The following CDH9 variants were observed in gnomAD, a reference collection of about 807,000 sequenced individuals.
CDH9 encodes the protein cadherin 9.
CDH9 carries 28 observed loss-of-function variants against 70.9 expected under a neutral mutation model. The observed-to-expected ratio is 0.40, with a 90% confidence interval of 0.29 to 0.54. The LOEUF (loss-of-function observed/expected upper bound fraction) is 0.54, where lower values mean the gene tolerates loss of function less well. Among genes scored for constraint, CDH9 ranks in the 20% least tolerant of loss-of-function variants. CDH9 has a pLI of 0.59. For missense variants in CDH9, 874 were observed against 984.4 expected (o/e 0.89, Z 1.50); for synonymous variants, 409 against 343.1 (o/e 1.19, Z -2.12).
At chr5:27,033,136 T>C (rs937542813) in intron 1 of CDH9, among the ~76,000 whole-genome samples, 2 of 151,310 alleles carry the variant, frequency 1.3e-5, no homozygotes, top group African/African-American at 4.8e-5. Flanking sequence ...TCAACCATTG[T>C]AGATGGACTA....
At chr5:27,028,609 AT>A (rs1261972028) in intron 1 of CDH9, among the ~76,000 whole-genome samples, 1 of 151,992 alleles carries the variant, frequency 6.6e-6, no homozygotes, top group Non-Finnish European at 1.5e-5. Context: ...GACGAGAGTG[AT>A]TTTCACTAGA....
intron 2 of CDH9, among the ~76,000 whole-genome samples, chr5:26,924,706 G>A (rs78942103): frequency 6.6e-6 from 1 of 151,646 alleles, no homozygotes; most frequent in African/African-American, 2.4e-5. Flanking sequence ...TACCCCAGCC[G>A]CCCATCCTAA....
chr5:26,908,343 T>TC (rs1345778442), intron 3 of CDH9, among the ~76,000 whole-genome samples: 1 of 151,858 alleles, frequency 6.6e-6, no homozygotes, highest in African/African-American at 2.4e-5. Flanking sequence ...AACAAGTGTT[T>TC]TTTTTTAATT....
chr5:26,935,282 C>T (rs1254623302), intron 2 of CDH9, among the ~76,000 whole-genome samples: 1 of 152,108 alleles, frequency 6.6e-6, no homozygotes, highest in Non-Finnish European at 1.5e-5. Flanking sequence ...AGCCAATATA[C>T]TTAATGGTGA....
chr5:26,931,498 T>C lies in CDH9; in HGVS notation c.229-15574A>G, dbSNP rs1741461312. On this transcript the variant is annotated intron_variant, in intron 2 of 11. Transcript: ENST00000231021. Reference sequence around the variant, plus strand: ...AGAATGGTCTAGTCTCAAATAAACATTGTGAACATTAAGATAAGATTTGAC... The same window carrying C: ...AGAATGGTCTAGTCTCAAATAAACACTGTGAACATTAAGATAAGATTTGAC... Among the ~76,000 whole-genome samples the C allele has an allele frequency of 2.0e-5, 3 of 152,120 alleles. No individual in the cohort carries two copies. In the South Asian group the frequency reaches 6.2e-4, roughly 31 times the overall value.
chr5:26,915,277 A>G (rs1047848716), intron 3 of CDH9, among the ~76,000 whole-genome samples: 1 of 152,070 alleles, frequency 6.6e-6, no homozygotes, highest in Non-Finnish European at 1.5e-5. Context: ...TATTCAAAAT[A>G]ATGCAAGCAA....
intron 1 of CDH9, among the ~76,000 whole-genome samples, chr5:27,026,258 G>A (rs896209189): frequency 6.6e-6 from 1 of 152,032 alleles, no homozygotes; most frequent in South Asian, 2.1e-4. Flanking sequence ...TAATTGCTGA[G>A]ATAAGCATAA....
At chr5:26,899,280 G>C (rs1740809820) in intron 7 of CDH9, among the ~76,000 whole-genome samples, 1 of 152,118 alleles carries the variant, frequency 6.6e-6, no homozygotes, top group Non-Finnish European at 1.5e-5. Flanking sequence ...CAAGGATCTA[G>C]AACCAGAAAT....
Position 27,020,804 on chromosome 5 carries a change from T to TA in CDH9, c.-50+17658dup, listed in dbSNP as rs1743126478. Reference sequence around the variant, plus strand: ...ACATTTTAAGGTTATTCTTGGTTATTAAATGCTTTAAGTGTAGCTAGTACA... The same window carrying TA: ...ACATTTTAAGGTTATTCTTGGTTATTAAAATGCTTTAAGTGTAGCTAGTACA... On this transcript the variant is annotated intron_variant, in intron 1 of 11. Transcript: ENST00000231021. 2.0e-5 allele frequency among the ~76,000 whole-genome samples: 3 copies of TA among 151,560 alleles called. No individual in the cohort carries two copies. In the South Asian group the frequency reaches 6.2e-4, roughly 31 times the overall value.
intron 3 of CDH9, among the ~76,000 whole-genome samples, chr5:26,908,134 G>A (rs1254013823): frequency 6.6e-6 from 1 of 152,050 alleles, no homozygotes; most frequent in Non-Finnish European, 1.5e-5. Context: ...ATTCTCTTGA[G>A]GCCTCTGTTT....
chr5:26,923,495 T>C (rs1741283093), intron 2 of CDH9, among the ~76,000 whole-genome samples: 1 of 151,988 alleles, frequency 6.6e-6, no homozygotes, highest in African/African-American at 2.4e-5. Context: ...AACACACCAC[T>C]GTCAGCATTG....
At chr5:26,992,303 T>C (rs887230876) in intron 1 of CDH9, among the ~76,000 whole-genome samples, 1 of 152,088 alleles carries the variant, frequency 6.6e-6, no homozygotes, top group Non-Finnish European at 1.5e-5. Context: ...GGTGATAATA[T>C]TAGGAATGGG....
At position 26,903,758 on chromosome 5, in the gene CDH9, T is replaced by C. The variant is rs773682031; in HGVS notation, c.878A>G (p.Asn293Ser). The change falls in exon 6 of 12, where the codon AAT becomes AGT. Residue 293 changes from asparagine (N) to serine (S), a missense_variant. Transcript: ENST00000231021. ...TGCATTTTCCCCCACGTCAGGGTCATTGGCTTTTATCCTTCCAAGATGAGT... is the reference window on the plus strand; with the variant it reads ...TGCATTTTCCCCCACGTCAGGGTCACTGGCTTTTATCCTTCCAAGATGAGT... ...LGTHLGRIKA[N>S]DPDVGENAEM... The C allele has an allele frequency of 5.0e-6, 8 of 1,608,166 alleles. No homozygotes were observed. The highest frequency in any genetic ancestry group is 4.5e-5 in the East Asian group (2 of 44,834).
intron 7 of CDH9, among the ~76,000 whole-genome samples, chr5:26,892,358 G>T (rs1022330682): frequency 1.3e-5 from 2 of 152,080 alleles, no homozygotes; most frequent in Non-Finnish European, 2.9e-5. Flanking sequence ...CAGTAGGTCT[G>T]GGGTGGGAGC....
chr5:26,964,401 G>A (rs1489857346), intron 2 of CDH9, among the ~76,000 whole-genome samples: 2 of 152,142 alleles, frequency 1.3e-5, no homozygotes, highest in Non-Finnish European at 2.9e-5. Flanking sequence ...CATAAAATGT[G>A]TACAACTATA....
intron 1 of CDH9, among the ~76,000 whole-genome samples, chr5:27,023,563 T>C (rs543030407): frequency 3.4e-4 from 51 of 152,202 alleles, no homozygotes; most frequent in African/African-American, 1.2e-3. Context: ...TATTTGTTTG[T>C]TTGCTGCAGG....
At chr5:26,939,091 T>G (rs1028036641) in intron 2 of CDH9, among the ~76,000 whole-genome samples, 1 of 151,886 alleles carries the variant, frequency 6.6e-6, no homozygotes, top group Non-Finnish European at 1.5e-5. Flanking sequence ...AGAGGAATAA[T>G]TTCACCAAGT....
intron 2 of CDH9, among the ~76,000 whole-genome samples, chr5:26,965,355 T>A (rs1182754097): frequency 6.6e-6 from 1 of 151,904 alleles, no homozygotes; most frequent in East Asian, 1.9e-4. Flanking sequence ...GTGGGCAGAT[T>A]ACCTGAGGTC....
intron 1 of CDH9, among the ~76,000 whole-genome samples, chr5:27,023,120 C>A (rs182212926): frequency 3.9e-5 from 6 of 152,054 alleles, no homozygotes; most frequent in Admixed American, 3.3e-4. Flanking sequence ...AAAATGAATA[C>A]AAGATCCCTC....
Sources: allele counts gnomAD v4.1 joint callset (sites outside exome capture counted in the v4.1 genomes callset), GRCh38; gene constraint gnomAD v4.1.1; transcripts MANE v1.5; gene names NCBI Gene and HGNC (gene_info 2026-07-23, HGNC 2026-07-21).